The following PARL variants were observed in gnomAD, a reference collection of about 807,000 sequenced individuals.
The protein encoded by PARL is presenilin-associated rhomboid-like protein, mitochondrial.
In PARL, 44 loss-of-function variants were observed where a neutral mutation model predicts 51.6. That is an observed-to-expected ratio of 0.85 (90% CI 0.67 to 1.10). The LOEUF is 1.10. PARL is among the 50% of genes least tolerant of loss of function. PARL has a pLI of 0.00. For synonymous variants in PARL, 172 were observed against 164.0 expected, an observed-to-expected ratio of 1.05 and a Z score of -0.37; for missense variants, 441 against 469.5, an observed-to-expected ratio of 0.94 and a Z score of 0.56.
At chr3:183,880,463 G>A (rs963728045) in intron 1 of PARL, among the ~76,000 whole-genome samples, 1 of 151,954 alleles carries the variant, frequency 6.6e-6, no homozygotes, top group Admixed American at 6.6e-5. Context: ...GTGTAATGCC[G>A]TGATCTCGGC....
chr3:183,875,557 T>C (rs532992345), intron 1 of PARL, among the ~76,000 whole-genome samples: 119 of 152,234 alleles, frequency 7.8e-4, no homozygotes, highest in African/African-American at 2.6e-3. Context: ...ACTAACTCCT[T>C]CAATTCTATG....
chr3:183,861,214 T>C (rs373983341), intron 4 of PARL: 6 of 935,828 alleles, frequency 6.4e-6, no homozygotes, highest in East Asian at 2.3e-4. Context: ...CATTTTAAGA[T>C]GTCACTGACC....
At chr3:183,842,917 T>G (rs1729515235) in intron 5 of PARL, among the ~76,000 whole-genome samples, 1 of 147,142 alleles carries the variant, frequency 6.8e-6, no homozygotes, top group South Asian at 2.3e-4. Flanking sequence ...CGCCCCAGGC[T>G]GGAGTGCAGT....
At chr3:183,876,239 G>A (rs1194415073) in intron 1 of PARL, among the ~76,000 whole-genome samples, 1 of 152,086 alleles carries the variant, frequency 6.6e-6, no homozygotes, top group African/African-American at 2.4e-5. Context: ...TAGAGATGGG[G>A]TTTCACCGTG....
chr3:183,853,991 C>A (rs1730850310), intron 4 of PARL, among the ~76,000 whole-genome samples: 1 of 152,126 alleles, frequency 6.6e-6, no homozygotes, highest in African/African-American at 2.4e-5. Flanking sequence ...GTAATCCCAG[C>A]ACTTTGGGAG....
chr3:183,881,077 A>G (rs542478012), intron 1 of PARL, among the ~76,000 whole-genome samples: 2 of 150,970 alleles, frequency 1.3e-5, no homozygotes, highest in Non-Finnish European at 1.5e-5. Context: ...CAGCCTCCCA[A>G]AGTGCTGGGA....
intron 1 of PARL, among the ~76,000 whole-genome samples, chr3:183,878,850 G>A (rs1054829286): frequency 6.6e-6 from 1 of 152,116 alleles, no homozygotes; most frequent in Non-Finnish European, 1.5e-5. Flanking sequence ...GTTTTCACAC[G>A]TTTAAAGAGT....
At chr3:183,827,426 A>AGAGG (rs1233436959), downstream of PARL, among the ~76,000 whole-genome samples, 1 of 151,336 alleles carries the variant, frequency 6.6e-6, no homozygotes, top group African/African-American at 2.4e-5. Flanking sequence ...TGGACGAGAG[A>AGAGG]GAGAGAGAGA....
chr3:183,829,322 C>T lies in PARL; in HGVS notation c.*276G>A. 9.0e-7 allele frequency: 1 copy of T among 1,109,514 alleles called. No individual in the cohort carries two copies. Among genetic ancestry groups the T allele is most frequent in the African/African-American group, 1.6e-5 (1 of 63,016 alleles). The allele number at this position is 1,109,514 out of a possible 1,614,324, so 68.7% of individuals were successfully genotyped here. ...AGGGTGCACTCTCCCCAGGTCCTGTCAATGCAACAACCAAAGCAAAATGCC... is the reference window on the plus strand; with the variant it reads ...AGGGTGCACTCTCCCCAGGTCCTGTTAATGCAACAACCAAAGCAAAATGCC... On this transcript the variant is annotated 3_prime_UTR_variant, in exon 10 of 10. Transcript: ENST00000317096.
chr3:183,844,831 T>C (rs564215407), intron 4 of PARL: 4 of 154,452 alleles, frequency 2.6e-5, no homozygotes, highest in East Asian at 1.9e-4. Flanking sequence ...AGTCATGTGA[T>C]AGGAATTCAG....
intron 1 of PARL, 39 bp downstream of exon 1, chr3:183,884,683 G>C: frequency 6.4e-7 from 1 of 1,571,864 alleles, no homozygotes; most frequent in Non-Finnish European, 8.6e-7. Flanking sequence ...AGAGCTCAGG[G>C]ACCAAGAGGC....
chr3:183,860,813 ACTT>A (rs1487492928), intron 4 of PARL, among the ~76,000 whole-genome samples: 1 of 120,840 alleles, frequency 8.3e-6, no homozygotes, highest in Non-Finnish European at 1.7e-5. Context: ...TAATTTCGTT[ACTT>A]TTTTTTTTTT....
intron 2 of PARL, among the ~76,000 whole-genome samples, chr3:183,867,535 CT>C (rs1732646168): frequency 6.6e-6 from 1 of 151,988 alleles, no homozygotes; most frequent in African/African-American, 2.4e-5. Flanking sequence ...CCCGTCTCTA[CT>C]AAAAATACAA....
chr3:183,856,184 T>C (rs1731157774), intron 4 of PARL, among the ~76,000 whole-genome samples: 1 of 152,178 alleles, frequency 6.6e-6, no homozygotes, highest in Admixed American at 6.5e-5. Flanking sequence ...TGACCTCAGG[T>C]TATCTTCCTC....
At chr3:183,852,442 T>C (rs928029926) in intron 4 of PARL, among the ~76,000 whole-genome samples, 4 of 152,130 alleles carry the variant, frequency 2.6e-5, no homozygotes, top group African/African-American at 4.8e-5. Flanking sequence ...GGATCTAGAA[T>C]AGACAAACTC....
intron 1 of PARL, among the ~76,000 whole-genome samples, chr3:183,875,427 A>AT (rs1429629678): frequency 6.6e-6 from 1 of 150,614 alleles, no homozygotes; most frequent in Non-Finnish European, 1.5e-5. Flanking sequence ...AAAAAAAAAA[A>AT]AAAAAAAAAA....
intron 4 of PARL, among the ~76,000 whole-genome samples, chr3:183,853,780 G>A (rs1010062212): frequency 6.6e-6 from 1 of 152,172 alleles, no homozygotes; most frequent in Non-Finnish European, 1.5e-5. Flanking sequence ...CTCACACAAA[G>A]AGAAAATAAC....
intron 7 of PARL, among the ~76,000 whole-genome samples, chr3:183,834,622 A>G (rs1175010028): frequency 2.6e-5 from 4 of 152,138 alleles, no homozygotes; most frequent in Non-Finnish European, 4.4e-5. Flanking sequence ...TTTGGGATGA[A>G]TATGTCCATG....
rs546130542 is a variant in PARL, at chr3:183,877,297, C to T, written c.125+7425G>A. ...GAATTGCTGCAATCTCATGATCAAA[C>T]TTGAACAGATGAGAAGTTGTTTCTT... On this transcript the variant is annotated intron_variant, in intron 1 of 9. Coordinates refer to ENST00000317096, the MANE Select transcript of PARL (RefSeq NM_018622.7). 3.3e-5 allele frequency among the ~76,000 whole-genome samples: 5 copies of T among 152,262 alleles called. No individual in the cohort carries two copies. The South Asian group carries it at 1.0e-3, about 32-fold the overall frequency.
Sources: gnomAD v4.1 joint callset for allele counts (sites outside exome capture counted in the v4.1 genomes callset) on GRCh38, gnomAD v4.1.1 for gene constraint, MANE v1.5 for transcripts, NCBI Gene and HGNC (gene_info 2026-07-23, HGNC 2026-07-21) for gene names.